The following RPL7L1 variants were observed in gnomAD, a reference collection of about 807,000 sequenced individuals.
RPL7L1 encodes the protein ribosomal protein L7 like 1.
Under a neutral mutation model 30.3 loss-of-function variants are expected in RPL7L1, and 20 were observed. That is an observed-to-expected ratio of 0.66 (90% CI 0.46 to 0.96). The LOEUF is 0.96. RPL7L1 is among the 40% of genes least tolerant of loss of function. RPL7L1 has a pLI of 0.00. For synonymous variants in RPL7L1, 107 were observed against 110.1 expected (o/e 0.97, Z 0.18); for missense variants, 271 against 314.9 (o/e 0.86, Z 1.05).
chr6:42,879,892 C>G lies in RPL7L1; in HGVS notation c.-19C>G, dbSNP rs1386141463. 1 of 1,613,470 alleles carries G rather than the reference C, an allele frequency of 6.2e-7. No homozygotes were observed. The stretch of plus-strand genomic sequence containing the variant: ...GTAAACAGAGCGTGTGCTGTCTTCC[C>G]CATGTGGTGGGGTTGCGCATGATCA... On this transcript the variant is annotated 5_prime_UTR_variant, in exon 1 of 6. Coordinates refer to ENST00000493763, the MANE Select transcript of RPL7L1 (RefSeq NM_001366481.3).
intron 2 of RPL7L1, chr6:42,881,487 T>C (rs1766079257): frequency 6.6e-6 from 1 of 151,910 alleles, no homozygotes; most frequent in Non-Finnish European, 1.5e-5. Flanking sequence ...AATAAATAAA[T>C]AACTGGTTGT....
At chr6:42,885,900 T>TC in intron 4 of RPL7L1, 74 bp from the exon 5 acceptor site, 1 of 810,338 alleles carries the variant, frequency 1.2e-6, no homozygotes, top group Non-Finnish European at 2.2e-6. Context: ...CTCTCCAACC[T>TC]CTCAGCCAGG....
At chr6:42,883,052 C>G (rs948946598) in intron 2 of RPL7L1, 1 of 158,510 alleles carries the variant, frequency 6.3e-6, no homozygotes, top group African/African-American at 2.4e-5. Flanking sequence ...ACAGGGTGAG[C>G]TACTGTATGT....
chr6:42,886,224 A>G, intron 5 of RPL7L1, 32 bp from the exon 6 acceptor site: 1 of 1,585,844 alleles, frequency 6.3e-7, no homozygotes, highest in Non-Finnish European at 8.7e-7. Flanking sequence ...ATACATGTTA[A>G]ATAAAGGAAT....
intron 1 of RPL7L1, 148 bp from the exon 2 acceptor site, chr6:42,880,713 A>G: frequency 2.0e-6 from 1 of 494,262 alleles, no homozygotes; most frequent in Non-Finnish European, 3.6e-6. Context: ...GGGTTTCACC[A>G]TGTTGGTCAG....
rs920769961 is a variant in RPL7L1, at chr6:42,881,023, C to T, written c.147+57C>T. The T allele has an allele frequency of 1.2e-5, 11 of 935,182 alleles. No individual in the cohort carries two copies. In the Admixed American group the frequency reaches 2.0e-4, roughly 17 times the overall value. 57.9% of individuals were successfully genotyped at this position (935,182 alleles called of 1,614,324 possible). A position where few individuals can be genotyped will look rare whatever the true frequency, so the allele number is the denominator to read the frequency against. On this transcript the variant is annotated intron_variant, in intron 2 of 5. Coordinates refer to ENST00000493763, the MANE Select transcript of RPL7L1 (RefSeq NM_001366481.3). ...GAATTTTTATTTGGTGAGTTTTATC[C>T]CGCATGTGTTGGACTACATTTGGTA...
At chr6:42,880,446 G>T in intron 1 of RPL7L1, 1 of 226,990 alleles carries the variant, frequency 4.4e-6, no homozygotes, top group East Asian at 1.1e-4. Context: ...CTTGAAAACA[G>T]TAATGTTCCC....
rs572338740 is a variant in RPL7L1 at position 42,889,813 on chromosome 6, G to A, written c.*3349G>A. ...GGTAAATAAAAGGGACTAAGTTGAC[G>A]AAAAATAAATTTTAAAAAACCTAAT... On this transcript the variant is annotated 3_prime_UTR_variant, in exon 6 of 6. Coordinates refer to ENST00000493763, the MANE Select transcript of RPL7L1 (RefSeq NM_001366481.3). The A allele has an allele frequency of 2.6e-5, 4 of 152,232 alleles. No homozygotes were observed. The highest frequency in any genetic ancestry group is 6.5e-5 in the Admixed American group (1 of 15,282). The allele number at this position is 152,232 out of a possible 1,614,324, so 9.4% of individuals were successfully genotyped here.
At chr6:42,881,131 CAGATGCCTA>C (rs1196286049) in intron 2 of RPL7L1, 165 bp downstream of exon 2, 1 of 562,468 alleles carries the variant, frequency 1.8e-6, no homozygotes, top group East Asian at 3.3e-5. Context: ...AGGACTCCCA[CAGATGCCTA>C]AATCTCAGAC....
intron 1 of RPL7L1, 44 bp downstream of exon 1, chr6:42,879,995 A>G (rs1468340792): frequency 7.0e-6 from 11 of 1,579,378 alleles, no homozygotes; most frequent in Non-Finnish European, 9.6e-6. Flanking sequence ...GGTCTTGAGT[A>G]TCCGGTGCCA....
intron 1 of RPL7L1, 49 bp downstream of exon 1, chr6:42,880,000 G>T (rs1200865942): frequency 5.1e-6 from 8 of 1,580,792 alleles, no homozygotes; most frequent in Non-Finnish European, 7.0e-6. Flanking sequence ...TGAGTATCCG[G>T]TGCCATCCAC....
intron 2 of RPL7L1, chr6:42,881,680 C>T (rs936096230): frequency 2.0e-5 from 3 of 152,002 alleles, no homozygotes; most frequent in African/African-American, 7.3e-5. Flanking sequence ...AAGCAATTCT[C>T]GTGCCTCAGC....
Position 42,889,194 on chromosome 6 carries a change from A to C in RPL7L1, c.*2730A>C, listed in dbSNP as rs1766386527. The C allele has an allele frequency of 1.3e-5, 2 of 152,290 alleles. No homozygotes were observed. Among genetic ancestry groups the C allele is most frequent in the South Asian group, 4.2e-4 (2 of 4,818 alleles). 9.4% of individuals were successfully genotyped at this position (152,290 alleles called of 1,614,324 possible). On this transcript the variant is annotated 3_prime_UTR_variant, in exon 6 of 6. Coordinates refer to ENST00000493763, the MANE Select transcript of RPL7L1 (RefSeq NM_001366481.3). ...GGTGGCTCACACCTGTAATCTCAAC[A>C]CTTCAGGAGGCTGAGGCAGGCAGAT...
In RPL7L1 at chr6:42,887,704, C is replaced by T. The variant is rs1331008065; in HGVS notation, c.*1240C>T. ...TGTGTCATCTGAAATCGGCACATTC[C>T]ATGGAGGAAGGAGTCCTGCTTTGTT... On this transcript the variant is annotated 3_prime_UTR_variant, in exon 6 of 6. Coordinates refer to ENST00000493763, the MANE Select transcript of RPL7L1 (RefSeq NM_001366481.3). 1 of 151,952 alleles carries T rather than the reference C, an allele frequency of 6.6e-6. No individual in the cohort carries two copies. Among genetic ancestry groups the T allele is most frequent in the African/African-American group, 2.4e-5 (1 of 41,368 alleles). 9.4% of individuals were successfully genotyped at this position (151,952 alleles called of 1,614,324 possible).
At chr6:42,880,056 A>G (rs1766015278) in intron 1 of RPL7L1, 105 bp downstream of exon 1, 2 of 1,139,588 alleles carry the variant, frequency 1.8e-6, no homozygotes, top group African/African-American at 3.0e-5. Context: ...CTAGGAATAG[A>G]AAAGGCCACA....
In RPL7L1 at chr6:42,879,771, G is replaced by T; in HGVS notation, c.-140G>T. 1.3e-6 allele frequency: 1 copy of T among 792,230 alleles called. No homozygotes were observed. The highest frequency in any genetic ancestry group is 1.5e-5 in the South Asian group (1 of 67,760). The allele number at this position is 792,230 out of a possible 1,614,324, so 49.1% of individuals were successfully genotyped here. A position where few individuals can be genotyped will look rare whatever the true frequency, so the allele number is the denominator to read the frequency against. On this transcript the variant is annotated 5_prime_UTR_variant, in exon 1 of 6. It adds an upstream start codon to the 5' untranslated region. Coordinates refer to ENST00000493763, the MANE Select transcript of RPL7L1 (RefSeq NM_001366481.3). ...CTAAGAAGCGGTGCAACTTTTGGCA[G>T]GAATCGGGGTTAGCGGGACCTCAAG...
Position 42,886,266 on chromosome 6 carries a change from C to G in RPL7L1, c.570C>G (p.Gly190=). Residue 190 remains glycine (G), a synonymous_variant, in exon 6 of 6, where the codon GGC becomes GGG. Coordinates refer to ENST00000493763, the MANE Select transcript of RPL7L1 (RefSeq NM_001366481.3). ...TTTTGTGTTTCTTAGGGAAGTTTGG[C>G]GTCATTTGCTTGGAAGACCTCATTC... The part of the protein sequence containing the change: ...TVIEEHLGKF[G]VICLEDLIHE... 1 of 1,610,276 alleles carries G rather than the reference C, an allele frequency of 6.2e-7. No homozygotes were observed. The highest frequency in any genetic ancestry group is 8.5e-7 in the Non-Finnish European group (1 of 1,178,436).
intron 3 of RPL7L1, among the ~76,000 whole-genome samples, chr6:42,884,389 C>T (rs1319404390): frequency 6.6e-6 from 1 of 152,150 alleles, no homozygotes; most frequent in African/African-American, 2.4e-5. Flanking sequence ...ACTCCGCCTA[C>T]CCCTGAAACA....
rs1323288195 is a variant in RPL7L1, at chr6:42,888,240, C to T, written c.*1776C>T. 2.0e-5 allele frequency: 3 copies of T among 152,244 alleles called. No individual in the cohort carries two copies. The highest frequency in any genetic ancestry group is 4.4e-5 in the Non-Finnish European group (3 of 68,090). The allele number at this position is 152,244 out of a possible 1,614,324, so 9.4% of individuals were successfully genotyped here. A position where few individuals can be genotyped will look rare whatever the true frequency, so the allele number is the denominator to read the frequency against. On this transcript the variant is annotated 3_prime_UTR_variant, in exon 6 of 6. Transcript: ENST00000493763. ...CATGATCTCAGCTCATTGCAGCCTC[C>T]ACCTCCTGGGTTCAAGTGATTCTGC...
Sources: gnomAD v4.1 joint callset for allele counts (sites outside exome capture counted in the v4.1 genomes callset) on GRCh38, gnomAD v4.1.1 for gene constraint, MANE v1.5 for transcripts, NCBI Gene and HGNC (gene_info 2026-07-23, HGNC 2026-07-21) for gene names.